The following CARTPT variants were observed in gnomAD, a reference collection of about 807,000 sequenced individuals.
The protein encoded by CARTPT is CART prepropeptide.
A neutral mutation model predicts 12.2 loss-of-function variants in CARTPT; 6 were observed. That is an observed-to-expected ratio of 0.49 (90% CI 0.27 to 0.97). The LOEUF (loss-of-function observed/expected upper bound fraction) is 0.97. Among genes scored for constraint, CARTPT ranks in the 50% least tolerant of loss-of-function variants. The probability of loss-of-function intolerance (pLI) is 0.12; values close to 1 mark genes in which losing one functional copy is unlikely to be tolerated. For synonymous variants in CARTPT, 75 were observed against 64.1 expected, an observed-to-expected ratio of 1.17 and a Z score of -0.82; for missense variants, 135 against 142.0, an observed-to-expected ratio of 0.95 and a Z score of 0.25.
intron 1 of CARTPT, 46 bp from the exon 2 acceptor site, chr5:71,719,834 T>C (rs1748670459): frequency 6.3e-7 from 1 of 1,584,942 alleles, no homozygotes; most frequent in Non-Finnish European, 8.7e-7. Context: ...TGGGCTGGGC[T>C]CGCAGCCAAG....
At chr5:71,719,660 C>G (rs1748666341) in intron 1 of CARTPT, 17 of 759,564 alleles carry the variant, frequency 2.2e-5, no homozygotes. Flanking sequence ...CATCCCGGCC[C>G]CTCTGAGCAA....
Position 71,719,883 on chromosome 5 carries a change from G to A in CARTPT, c.163G>A (p.Glu55Lys). Reference sequence around the variant, plus strand: ...GCTCCGAAGCGGTGTGTTGCAGATCGAAGCGCTGCAAGAAGTCTTGAAGAA... The same window carrying A: ...GCTCCGAAGCGGTGTGTTGCAGATCAAAGCGCTGCAAGAAGTCTTGAAGAA... ...DDASHEKELIEALQEVLKKLK... is the reference protein window; with the variant it reads ...DDASHEKELIKALQEVLKKLK... Residue 55 changes from glutamate to lysine, a missense_variant, in exon 2 of 3, where the codon GAA becomes AAA. Transcript: ENST00000296777. 7 of 1,614,176 alleles carry A rather than the reference G, an allele frequency of 4.3e-6. No homozygotes were observed. Among genetic ancestry groups the A allele is most frequent in the Non-Finnish European group, 5.9e-6 (7 of 1,180,012 alleles).
At chr5:71,719,696 C>T (rs1748667380) in intron 1 of CARTPT, 184 bp from the exon 2 acceptor site, 1 of 753,682 alleles carries the variant, frequency 1.3e-6, no homozygotes, top group East Asian at 2.7e-5. Flanking sequence ...CTCAGAGACC[C>T]GCGGTCAGTA....
rs1748653891 is a variant in CARTPT at position 71,719,313 on chromosome 5, G to C, written c.20G>C (p.Arg7Thr). 1.2e-6 allele frequency: 2 copies of C among 1,613,020 alleles called. No homozygotes were observed. Among genetic ancestry groups the C allele is most frequent in the Non-Finnish European group, 1.7e-6 (2 of 1,180,022 alleles). Residue 7 changes from arginine (R) to threonine (T), a missense_variant, in exon 1 of 3, where the codon AGG (arginine) becomes ACG (threonine). Physicochemically the swap from Arg to Thr is moderately conservative, Grantham distance 71. Coordinates refer to ENST00000296777, the MANE Select transcript of CARTPT (RefSeq NM_004291.4). ...AGAACGATGGAGAGCTCCCGCGTGA[G>C]GCTGCTGCCCCTCCTGGGCGCCGCC... Reference protein sequence around the residue: MESSRVRLLPLLGAALL... With the variant: MESSRVTLLPLLGAALL...
chr5:71,719,848 G>A (rs760948528), intron 1 of CARTPT, 32 bp from the exon 2 acceptor site: 3 of 1,609,558 alleles, frequency 1.9e-6, no homozygotes, highest in Non-Finnish European at 1.7e-6. Flanking sequence ...AGCCAAGGCG[G>A]CAACTTCAGG....
intron 1 of CARTPT, 118 bp from the exon 2 acceptor site, chr5:71,719,762 G>A: frequency 1.1e-6 from 1 of 948,658 alleles, no homozygotes; most frequent in Non-Finnish European, 1.7e-6. Flanking sequence ...TGTCCGCGGA[G>A]TCCCACCGCA....
chr5:71,720,002 G>A (rs1359798840), intron 2 of CARTPT, 39 bp downstream of exon 2: 2 of 1,543,116 alleles, frequency 1.3e-6, no homozygotes, highest in East Asian at 4.5e-5. Context: ...GTTTTTCCAA[G>A]AGAAAGTACA....
intron 2 of CARTPT, 45 bp downstream of exon 2, chr5:71,720,008 G>T (rs774283578): frequency 2.6e-6 from 4 of 1,511,256 alleles, no homozygotes; most frequent in Admixed American, 1.7e-5. Context: ...CCAAGAGAAA[G>T]TACACCGCCT....
chr5:71,719,881 T>C lies in CARTPT; in HGVS notation c.161T>C (p.Ile54Thr), dbSNP rs1425302598. Reference sequence around the variant, plus strand: ...AGGCTCCGAAGCGGTGTGTTGCAGATCGAAGCGCTGCAAGAAGTCTTGAAG... The same window carrying C: ...AGGCTCCGAAGCGGTGTGTTGCAGACCGAAGCGCTGCAAGAAGTCTTGAAG... ...VDDASHEKELIEALQEVLKKL... is the reference protein window; with the variant it reads ...VDDASHEKELTEALQEVLKKL... The change falls in exon 2 of 3, where the codon ATC (isoleucine) becomes ACC (threonine). Residue 54 changes from isoleucine to threonine, a missense_variant and splice_region_variant. Physicochemically the swap from Ile to Thr is moderately conservative, Grantham distance 89. Coordinates refer to ENST00000296777, the MANE Select transcript of CARTPT (RefSeq NM_004291.4). 1 of 1,614,174 alleles carries C rather than the reference T, an allele frequency of 6.2e-7. No individual in the cohort carries two copies. Among genetic ancestry groups the C allele is most frequent in the Non-Finnish European group, 8.5e-7 (1 of 1,180,008 alleles).
Position 71,719,383 on chromosome 5 carries a change from C to T in CARTPT, c.90C>T (p.Asp30=), listed in dbSNP as rs1449230775. ...LPLLGTRAQE[D]AELQPRALDI... ...TGTTGGGTACCCGTGCCCAGGAGGA[C>T]GCCGAGCTCCAGCCCCGAGCCCTGG... The change falls in exon 1 of 3, where the codon GAC becomes GAT. Residue 30 remains aspartate (D), a synonymous_variant. Transcript: ENST00000296777. The T allele has an allele frequency of 5.0e-6, 8 of 1,614,132 alleles. No individual in the cohort carries two copies. Among genetic ancestry groups the T allele is most frequent in the Non-Finnish European group, 6.8e-6 (8 of 1,180,012 alleles).
intron 1 of CARTPT, 143 bp downstream of exon 1, chr5:71,719,595 A>T: frequency 1.0e-6 from 1 of 995,200 alleles, no homozygotes; most frequent in South Asian, 1.4e-5. Flanking sequence ...ACCCACTGCC[A>T]TCCGAAGAGC....
intron 1 of CARTPT, 102 bp from the exon 2 acceptor site, chr5:71,719,778 C>T: frequency 2.9e-6 from 3 of 1,050,440 alleles, no homozygotes; most frequent in Non-Finnish European, 3.0e-6. Flanking sequence ...CCGCAGAGTG[C>T]GTGTGGGTCC....
intron 2 of CARTPT, 26 bp downstream of exon 2, chr5:71,719,989 C>T: frequency 6.3e-7 from 1 of 1,593,612 alleles, no homozygotes; most frequent in Non-Finnish European, 8.6e-7. Flanking sequence ...ACTCCCTTCC[C>T]GTGTTTTTCC....
At chr5:71,720,205 G>A (rs1748679949) in intron 2 of CARTPT, among the ~76,000 whole-genome samples, 1 of 152,042 alleles carries the variant, frequency 6.6e-6, no homozygotes, top group Non-Finnish European at 1.5e-5. Context: ...TCCCCTCTGA[G>A]AGGGCAAGAA....
chr5:71,719,747 C>A, intron 1 of CARTPT, 133 bp from the exon 2 acceptor site: 1 of 886,516 alleles, frequency 1.1e-6, no homozygotes, highest in Non-Finnish European at 1.9e-6. Context: ...CTCGACCATT[C>A]CCTGTGTCCG....
chr5:71,719,773 G>T, intron 1 of CARTPT, 107 bp from the exon 2 acceptor site: 2 of 1,019,976 alleles, frequency 2.0e-6, no homozygotes. Context: ...TCCCACCGCA[G>T]AGTGCGTGTG....
chr5:71,720,692 G>A lies in CARTPT; in HGVS notation c.*77G>A, dbSNP rs7716804. 8.8e-3 allele frequency: 10,503 copies of A among 1,188,140 alleles called. 700 individuals carry two copies. In the African/African-American group the frequency reaches 0.14, roughly 16 times the overall value. The allele number at this position is 1,188,140 out of a possible 1,614,324, so 73.6% of individuals were successfully genotyped here. On this transcript the variant is annotated 3_prime_UTR_variant, in exon 3 of 3. Coordinates refer to ENST00000296777, the MANE Select transcript of CARTPT (RefSeq NM_004291.4). ...GACCACACCTTCCTCCCTGGAGTTT[G>A]GCTTAAGCAACAGATAAAGTTTTTA...
rs564895178 is a variant in CARTPT at position 71,720,603 on chromosome 5, G to C, written c.339G>C (p.Leu113=). The C allele has an allele frequency of 3.1e-6, 5 of 1,608,558 alleles. No individual in the cohort carries two copies. The highest frequency in any genetic ancestry group is 3.4e-6 in the Non-Finnish European group (4 of 1,177,568). The stretch of plus-strand genomic sequence containing the variant: ...GAACCTCCTGCAATTCCTTCCTCCT[G>C]AAGTGCTTATGAAGGGGCGTCCATT... ...PRGTSCNSFL[L]KCL Residue 113 remains leucine (L), a synonymous_variant, in exon 3 of 3, where the codon CTG becomes CTC. Transcript: ENST00000296777.
rs1185774164 is a variant in CARTPT at position 71,719,911 on chromosome 5, T to A, written c.191T>A (p.Leu64His). 6.2e-7 allele frequency: 1 copy of A among 1,614,032 alleles called. No homozygotes were observed. The part of the protein sequence containing the change: ...IEALQEVLKK[L>H]KSKRVPIYEK... ...GCGCTGCAAGAAGTCTTGAAGAAGC[T>A]CAAGAGTAAACGTGTTCCCATCTAT... Residue 64 changes from leucine (L) to histidine (H), a missense_variant, in exon 2 of 3, where the codon CTC (leucine) becomes CAC (histidine). By Grantham distance (99) the Leu-to-His change is moderately conservative. Transcript: ENST00000296777.
Sources: allele counts gnomAD v4.1 joint callset (sites outside exome capture counted in the v4.1 genomes callset), GRCh38; gene constraint gnomAD v4.1.1; transcripts MANE v1.5; gene names NCBI Gene and HGNC (gene_info 2026-07-23, HGNC 2026-07-21).